Variants in INSR observed in about 807,000 individuals in gnomAD.
INSR encodes insulin receptor.
INSR carries 67 observed loss-of-function variants against 142.6 expected under a neutral mutation model. That is an observed-to-expected ratio of 0.47 (90% CI 0.39 to 0.58). INSR has a LOEUF of 0.58. Ranked by LOEUF, INSR falls within the 20% of genes least tolerant of loss-of-function variation. INSR has a pLI of 0.00. For synonymous variants in INSR, 756 were observed against 743.1 expected, an observed-to-expected ratio of 1.02 and a Z score of -0.28; for missense variants, 1,248 against 1,833.2, an observed-to-expected ratio of 0.68 and a Z score of 5.83.
intron 1 of INSR, among the ~76,000 whole-genome samples, chr19:7,275,420 A>T (rs545985787): frequency 6.6e-6 from 1 of 152,074 alleles, no homozygotes; most frequent in Non-Finnish European, 1.5e-5. Flanking sequence ...CTGAGTACTA[A>T]TTTTTTTTAC....
rs1297693835 is a variant in INSR at position 7,216,551 on chromosome 19, C to A, written c.653-31914G>T. 6.6e-6 allele frequency among the ~76,000 whole-genome samples: 1 copy of A among 152,098 alleles called. No homozygotes were observed. The highest frequency in any genetic ancestry group is 1.5e-5 in the Non-Finnish European group (1 of 68,012). On this transcript the variant is annotated intron_variant, in intron 2 of 21. Transcript: ENST00000302850. This position sits in a 1 kb window ranked among gnomAD's most constrained non-coding sequence, Gnocchi z 4.2. ...CGGGCTCTGGGTTCGAAAATGCAGG[C>A]CCCTTGTATCCAGGGGGTCTGGGAA...
At chr19:7,219,599 GA>G (rs1975549220) in intron 2 of INSR, among the ~76,000 whole-genome samples, 1 of 127,440 alleles carries the variant, frequency 7.8e-6, no homozygotes, top group South Asian at 3.1e-4. Flanking sequence ...GAGAGAGAAG[GA>G]AGGAAGGGAG....
chr19:7,219,534 AAGGG>A (rs1202904267), intron 2 of INSR, among the ~76,000 whole-genome samples: 34 of 104,084 alleles, frequency 3.3e-4, no homozygotes, highest in Non-Finnish European at 4.8e-4. Context: ...GGAAGGAAGG[AAGGG>A]AGGGAGGGAG....
At chr19:7,122,487 A>C in intron 19 of INSR, 127 bp downstream of exon 19, 4 of 1,014,424 alleles carry the variant, frequency 3.9e-6, no homozygotes, top group South Asian at 1.4e-5. Flanking sequence ...AACCCCACAA[A>C]AAAAAAAGAA....
intron 2 of INSR, among the ~76,000 whole-genome samples, chr19:7,217,725 A>G (rs1975479662): frequency 6.6e-6 from 1 of 152,040 alleles, no homozygotes; most frequent in African/African-American, 2.4e-5. Context: ...ACACCTGGCT[A>G]ATTTTTTGTA....
rs1405317197 is a variant in INSR, at chr19:7,192,156, GAA to G, written c.653-7521_653-7520del. 8.0e-6 allele frequency among the ~76,000 whole-genome samples: 1 copy of G among 124,296 alleles called. No individual in the cohort carries two copies. Among genetic ancestry groups the G allele is most frequent in the African/African-American group, 3.2e-5 (1 of 31,332 alleles). 81.5% of individuals were successfully genotyped at this position (124,296 alleles called of 152,430 possible). On this transcript the variant is annotated intron_variant, in intron 2 of 21. Coordinates refer to ENST00000302850, the MANE Select transcript of INSR (RefSeq NM_000208.4). This position sits in a 1 kb window ranked among gnomAD's most constrained non-coding sequence, Gnocchi z 4.2. ...AAGAAAGATAAGAGAGAGAGAAAGA[GAA>G]AGAAAAAGAAAGACAGAGAAAGAAA... is the stretch of plus-strand genomic sequence containing the variant.
chr19:7,256,401 A>G (rs1354577353), intron 2 of INSR, among the ~76,000 whole-genome samples: 4 of 152,176 alleles, frequency 2.6e-5, no homozygotes, highest in Non-Finnish European at 5.9e-5. Flanking sequence ...GTGAGCCGAG[A>G]TTGCGCCACT....
At chr19:7,265,708 C>A (rs1967703526) in intron 2 of INSR, among the ~76,000 whole-genome samples, 2 of 145,296 alleles carry the variant, frequency 1.4e-5, no homozygotes, top group Non-Finnish European at 3.0e-5. Flanking sequence ...GCACTCCAGT[C>A]TTAACAACAA....
intron 16 of INSR, 51 bp downstream of exon 16, chr19:7,126,533 G>A (rs957758812): frequency 5.5e-6 from 8 of 1,465,298 alleles, no homozygotes; most frequent in East Asian, 2.5e-5. Context: ...GAAGGCAAAG[G>A]AAGCTGATGA....
Position 7,216,584 on chromosome 19 carries a change from A to G in INSR, c.653-31947T>C, listed in dbSNP as rs1975440294. Among the ~76,000 whole-genome samples the G allele has an allele frequency of 6.6e-6, 1 of 152,076 alleles. No homozygotes were observed. Among genetic ancestry groups the G allele is most frequent in the African/African-American group, 2.4e-5 (1 of 41,400 alleles). ...ATCCAGGGGGTCTGGGAAGGAACAA[A>G]TTGCCACGGTGTAATGGAGCCACTG... On this transcript the variant is annotated intron_variant, in intron 2 of 21. Transcript: ENST00000302850. This position sits in a 1 kb window ranked among gnomAD's most constrained non-coding sequence, Gnocchi z 4.2.
At position 7,265,929 on chromosome 19, in the gene INSR, C is replaced by A. The variant is rs1273787191; in HGVS notation, c.652+1416G>T. 2.0e-5 allele frequency among the ~76,000 whole-genome samples: 3 copies of A among 152,154 alleles called. No individual in the cohort carries two copies. In the East Asian group the frequency reaches 5.8e-4, roughly 29 times the overall value. On this transcript the variant is annotated intron_variant, in intron 2 of 21. Transcript: ENST00000302850. ...ACTGAACAACAAAAACAACAAAATG[C>A]AATTGGCAAAGGGTTAGTAGCCTTC...
At chr19:7,124,327 C>T (rs1156726231) in intron 17 of INSR, among the ~76,000 whole-genome samples, 1 of 147,252 alleles carries the variant, frequency 6.8e-6, no homozygotes, top group Non-Finnish European at 1.5e-5. Flanking sequence ...TGAGATCATG[C>T]CACTGCACTC....
At chr19:7,202,743 C>T (rs1265829905) in intron 2 of INSR, among the ~76,000 whole-genome samples, 2 of 152,100 alleles carry the variant, frequency 1.3e-5, no homozygotes, top group South Asian at 2.1e-4. Context: ...TCAGGTGATC[C>T]GCTCGCCTCG....
chr19:7,121,214 G>C (rs1205009277), intron 19 of INSR, among the ~76,000 whole-genome samples: 1 of 152,072 alleles, frequency 6.6e-6, no homozygotes, highest in Non-Finnish European at 1.5e-5. Flanking sequence ...GACCAGGCTG[G>C]TCTCGAACTC....
intron 8 of INSR, among the ~76,000 whole-genome samples, chr19:7,163,925 TAAA>T (rs748862314): frequency 1.3e-4 from 6 of 44,596 alleles, no homozygotes; most frequent in South Asian, 1.0e-3. Flanking sequence ...CTATCTCTAC[TAAA>T]AAAAAAAAAA....
intron 9 of INSR, among the ~76,000 whole-genome samples, chr19:7,156,782 CTTTTTTTTTT>C (rs746400499): frequency 7.9e-5 from 5 of 63,184 alleles, no homozygotes; most frequent in African/African-American, 2.4e-4. Context: ...CTATTTCTCT[CTTTTTTTTTT>C]TTTTTTTTTT....
intron 2 of INSR, among the ~76,000 whole-genome samples, chr19:7,205,727 A>C (rs1038134819): frequency 6.6e-6 from 1 of 152,140 alleles, no homozygotes; most frequent in Non-Finnish European, 1.5e-5. Flanking sequence ...CCATCTCTAC[A>C]GATAATACAA....
intron 9 of INSR, among the ~76,000 whole-genome samples, chr19:7,158,266 C>T (rs1342143675): frequency 2.6e-5 from 4 of 151,830 alleles, no homozygotes; most frequent in South Asian, 2.1e-4. Flanking sequence ...GTTGGGAGGC[C>T]AAGGTGGGCA....
At chr19:7,141,893 A>C in intron 12 of INSR, 77 bp from the exon 13 acceptor site, 3 of 1,223,822 alleles carry the variant, frequency 2.5e-6, no homozygotes, top group Non-Finnish European at 2.4e-6. Flanking sequence ...CCATGGTGCA[A>C]CCTTGGGCTG....
Sources: allele counts gnomAD v4.1 joint callset (sites outside exome capture counted in the v4.1 genomes callset), GRCh38; gene constraint gnomAD v4.1.1; non-coding constraint Gnocchi (gnomAD v3.1); transcripts MANE v1.5; gene names NCBI Gene and HGNC (gene_info 2026-07-23, HGNC 2026-07-21).